TRIO: variants seen among roughly 807,000 people sequenced by gnomAD.
TRIO encodes trio Rho guanine nucleotide exchange factor, also known as triple functional domain protein.
Under a neutral mutation model 351.9 loss-of-function variants are expected in TRIO, and 58 were observed. That is an observed-to-expected ratio of 0.16 (90% CI 0.13 to 0.21). The LOEUF is 0.21. TRIO is among the 10% of genes least tolerant of loss of function. TRIO has a pLI of 1.00. For synonymous variants in TRIO, 1,758 were observed against 1,595.7 expected (o/e 1.10, Z -2.42); for missense variants, 3,201 against 4,027.8 (o/e 0.79, Z 5.56).
intron 1 of TRIO, among the ~76,000 whole-genome samples, chr5:14,161,180 C>T (rs1464850919): frequency 2.0e-5 from 3 of 152,198 alleles, no homozygotes; most frequent in African/African-American, 7.2e-5. Flanking sequence ...GCTGGGATTA[C>T]AGGTGTGAGC....
chr5:14,243,872 G>A (rs1561243890), intron 1 of TRIO, among the ~76,000 whole-genome samples: 2 of 152,140 alleles, frequency 1.3e-5, no homozygotes, highest in Admixed American at 6.5e-5. Context: ...AATAGCAAAG[G>A]CCTCATAGGA....
intron 1 of TRIO, among the ~76,000 whole-genome samples, chr5:14,265,235 C>T (rs2152265420): frequency 6.6e-6 from 1 of 152,098 alleles, no homozygotes; most frequent in South Asian, 2.1e-4. Flanking sequence ...AAGGAGGAGA[C>T]GCAGCCAGTT....
intron 33 of TRIO, among the ~76,000 whole-genome samples, chr5:14,408,945 C>A (rs969343548): frequency 2.6e-5 from 4 of 151,874 alleles, no homozygotes; most frequent in African/African-American, 9.7e-5. Context: ...TGGAGGGTTC[C>A]TTTTTTGGAA....
chr5:14,252,309 G>A (rs1292097263), intron 1 of TRIO, among the ~76,000 whole-genome samples: 1 of 152,218 alleles, frequency 6.6e-6, no homozygotes, highest in East Asian at 1.9e-4. Context: ...TGGCCTCACC[G>A]AGCACCTGGC....
intron 1 of TRIO, among the ~76,000 whole-genome samples, chr5:14,188,621 TTTTCCCC>T (rs1489020186): frequency 7.2e-5 from 11 of 152,354 alleles, no homozygotes; most frequent in Non-Finnish European, 1.2e-4. Context: ...ATTTTCATTG[TTTTCCCC>T]TGCACTGTTG....
chr5:14,412,059 C>G (rs2152384460), intron 33 of TRIO, among the ~76,000 whole-genome samples: 1 of 150,584 alleles, frequency 6.6e-6, no homozygotes, highest in South Asian at 2.1e-4. Context: ...ATGACCTTTG[C>G]TCACTGCAAC....
chr5:14,268,363 A>C (rs1795806302), intron 1 of TRIO, among the ~76,000 whole-genome samples: 2 of 152,206 alleles, frequency 1.3e-5, no homozygotes, highest in East Asian at 3.8e-4. Context: ...ATTGTCAAAA[A>C]TGCTTTGGAA....
chr5:14,434,796 T>C (rs1256135919), intron 34 of TRIO, among the ~76,000 whole-genome samples: 1 of 152,246 alleles, frequency 6.6e-6, no homozygotes, highest in Non-Finnish European at 1.5e-5. Context: ...CACAATTACT[T>C]TTGCACCGAC....
intron 11 of TRIO, among the ~76,000 whole-genome samples, chr5:14,339,854 C>T (rs375932292): frequency 1.3e-3 from 198 of 152,228 alleles, no homozygotes; most frequent in African/African-American, 4.6e-3. Flanking sequence ...CTTCAGTCAT[C>T]GTATTTTGAA....
At chr5:14,413,842 G>C (rs1749406592) in intron 33 of TRIO, among the ~76,000 whole-genome samples, 2 of 152,316 alleles carry the variant, frequency 1.3e-5, no homozygotes, top group African/African-American at 2.4e-5. Context: ...GTTACAGTTG[G>C]AGATGGTGAT....
chr5:14,485,356 C>A, intron 47 of TRIO, 110 bp downstream of exon 47: 6 of 1,190,198 alleles, frequency 5.0e-6, no homozygotes, highest in African/African-American at 4.6e-5. Context: ...TTAGCACTCA[C>A]CACTCTTCAG....
intron 1 of TRIO, among the ~76,000 whole-genome samples, chr5:14,144,952 C>A (rs1375509056): frequency 6.6e-6 from 1 of 152,086 alleles, no homozygotes; most frequent in Non-Finnish European, 1.5e-5. Context: ...AGAGCGCAGT[C>A]CTTAGCGGGC....
chr5:14,276,459 C>T (rs1465148113), intron 2 of TRIO, among the ~76,000 whole-genome samples: 6 of 152,222 alleles, frequency 3.9e-5, no homozygotes, highest in East Asian at 3.8e-4. Flanking sequence ...GCAGGAGCCC[C>T]GTGGGCGTCC....
At chr5:14,230,117 G>C (rs1793311222) in intron 1 of TRIO, among the ~76,000 whole-genome samples, 1 of 152,158 alleles carries the variant, frequency 6.6e-6, no homozygotes, top group South Asian at 2.1e-4. Context: ...CATATATTAT[G>C]AGCCACTTTG....
At chr5:14,454,786 C>G (rs1753134805) in intron 34 of TRIO, among the ~76,000 whole-genome samples, 3 of 152,222 alleles carry the variant, frequency 2.0e-5, no homozygotes, top group African/African-American at 7.2e-5. Context: ...CTTGGTCTCA[C>G]TGACTTCAAG....
At chr5:14,350,224 G>A (rs544538251) in intron 11 of TRIO, among the ~76,000 whole-genome samples, 1 of 152,300 alleles carries the variant, frequency 6.6e-6, no homozygotes, top group Admixed American at 6.5e-5. Flanking sequence ...CGATCTGCAG[G>A]TATTTGAAGA....
chr5:14,276,741 GT>G (rs1216306470), intron 2 of TRIO, among the ~76,000 whole-genome samples: 4 of 152,228 alleles, frequency 2.6e-5, no homozygotes, highest in African/African-American at 9.6e-5. Flanking sequence ...TTTCTTGCAA[GT>G]TCTTTCTAAA....
chr5:14,475,642 C>T (rs1238195665), intron 40 of TRIO, among the ~76,000 whole-genome samples: 1 of 152,190 alleles, frequency 6.6e-6, no homozygotes, highest in Non-Finnish European at 1.5e-5. Context: ...AACAGCACTC[C>T]AGTTTATAGC....
chr5:14,151,070 G>A (rs893798287), intron 1 of TRIO, among the ~76,000 whole-genome samples: 2 of 152,172 alleles, frequency 1.3e-5, no homozygotes, highest in African/African-American at 2.4e-5. Flanking sequence ...GATCTTCAGC[G>A]CCTCACAGTT....
Sources: gnomAD v4.1 joint callset for allele counts (sites outside exome capture counted in the v4.1 genomes callset) on GRCh38, gnomAD v4.1.1 for gene constraint, MANE v1.5 for transcripts, NCBI Gene and HGNC (gene_info 2026-07-23, HGNC 2026-07-21) for gene names.